ENSA: variants seen among roughly 807,000 people sequenced by gnomAD.
ENSA encodes alpha-endosulfine.
ENSA carries 7 observed loss-of-function variants against 16.8 expected under a neutral mutation model. The ratio of observed to expected loss-of-function variants is 0.42; its 90% CI spans 0.24 to 0.78. The LOEUF is 0.78. Ranked by LOEUF, ENSA falls within the 30% of genes least tolerant of loss-of-function variation. The pLI, the probability that ENSA is intolerant of heterozygous loss-of-function variation, is 0.29. For synonymous variants in ENSA, 58 were observed against 53.4 expected, an observed-to-expected ratio of 1.09 and a Z score of -0.37; for missense variants, 87 against 142.3, an observed-to-expected ratio of 0.61 and a Z score of 1.98.
intron 2 of ENSA, chr1:150,626,338 A>T: frequency 1.4e-6 from 1 of 727,496 alleles, no homozygotes; most frequent in Non-Finnish European, 2.4e-6. Context: ...TGACTCTCAC[A>T]GCTCCCACAC....
intron 2 of ENSA, among the ~76,000 whole-genome samples, chr1:150,626,794 T>C (rs1043139308): frequency 2.0e-5 from 3 of 152,164 alleles, no homozygotes; most frequent in African/African-American, 7.2e-5. Flanking sequence ...TCCGCCCGCC[T>C]CGGCCTCCCA....
chr1:150,625,382 A>T (rs1440162658), intron 3 of ENSA: 2 of 1,164,058 alleles, frequency 1.7e-6, no homozygotes, highest in African/African-American at 3.2e-5. Context: ...AAGCATTTGC[A>T]GCATTATCCA....
intron 3 of ENSA, chr1:150,624,374 A>G (rs1338813376): frequency 5.1e-6 from 5 of 985,686 alleles, no homozygotes; most frequent in Non-Finnish European, 6.0e-6. Context: ...AGCTCAGTTT[A>G]CCCTTCTTCC....
At chr1:150,625,567 G>A (rs1477715647) in intron 3 of ENSA, 75 bp downstream of exon 3, 4 of 1,480,032 alleles carry the variant, frequency 2.7e-6, no homozygotes, top group Middle Eastern at 2.4e-4. Flanking sequence ...CTGACTAGGT[G>A]CCCATTTCAT....
chr1:150,624,429 T>C lies in ENSA; in HGVS notation c.350+1213A>G. Reference sequence around the variant, plus strand: ...CTGGCATCAGACTGCATCTGAAACATGGGTCAACACATGTGCATGACTGAG... The same window carrying C: ...CTGGCATCAGACTGCATCTGAAACACGGGTCAACACATGTGCATGACTGAG... On this transcript the variant is annotated intron_variant, in intron 3 of 3. Coordinates refer to ENST00000369014, the MANE Select transcript of ENSA (RefSeq NM_004436.4). The C allele has an allele frequency of 5.1e-6, 5 of 985,940 alleles. No individual in the cohort carries two copies. In the South Asian group the frequency reaches 1.4e-4, roughly 28 times the overall value. The allele number at this position is 985,940 out of a possible 1,614,324, so 61.1% of individuals were successfully genotyped here.
At chr1:150,625,333 A>G (rs1649224176) in intron 3 of ENSA, 1 of 1,063,594 alleles carries the variant, frequency 9.4e-7, no homozygotes, top group Non-Finnish European at 1.1e-6. Flanking sequence ...TTCTCTCCCA[A>G]AAGGAGAAAT....
intron 1 of ENSA, among the ~76,000 whole-genome samples, 179 bp from the exon 2 acceptor site, chr1:150,627,771 G>T (rs773911755): frequency 6.6e-6 from 1 of 152,164 alleles, no homozygotes; most frequent in Admixed American, 6.5e-5. Flanking sequence ...GATGACTATT[G>T]TGAGAGAAAA....
intron 3 of ENSA, chr1:150,623,250 T>C: frequency 9.7e-7 from 1 of 1,029,798 alleles, no homozygotes; most frequent in South Asian, 4.0e-5. Context: ...GTGGTGACTG[T>C]GTGGAGGCCA....
intron 3 of ENSA, chr1:150,625,352 T>G: frequency 9.1e-7 from 1 of 1,098,850 alleles, no homozygotes; most frequent in South Asian, 4.3e-5. Flanking sequence ...ATCACATCTC[T>G]CCAGTTTCTC....
chr1:150,622,875 GAAGA>G lies in ENSA; in HGVS notation c.351-20_351-17del. Reference sequence around the variant, plus strand: ...AACTTGGCCACTGCGGACGAACACAGAAGAAAAAAAAAAAAAACAACACTGTCAA... The same window carrying G: ...AACTTGGCCACTGCGGACGAACACAGAAAAAAAAAAAAACAACACTGTCAA... On this transcript the variant is annotated splice_polypyrimidine_tract_variant and intron_variant, in intron 3 of 3. Transcript: ENST00000369014. 1 of 1,232,326 alleles carries G rather than the reference GAAGA, an allele frequency of 8.1e-7. No homozygotes were observed. Among genetic ancestry groups the G allele is most frequent in the Non-Finnish European group, 1.1e-6 (1 of 939,620 alleles). 76.3% of individuals were successfully genotyped at this position (1,232,326 alleles called of 1,614,324 possible).
In ENSA at chr1:150,629,384, G is replaced by A. The variant is rs768102856; in HGVS notation, c.57+30C>T. On this transcript the variant is annotated intron_variant, in intron 1 of 3. Transcript: ENST00000369014. ...CTCCCGCCCCATCACGGTCTCCCCA[G>A]CTCGCCCGCCCGCACCCCTTCCACT... The A allele has an allele frequency of 2.5e-6, 4 of 1,607,658 alleles. No homozygotes were observed. In the Admixed American group the frequency reaches 6.7e-5, roughly 27 times the overall value.
At chr1:150,626,287 T>A (rs1165417711) in intron 2 of ENSA, among the ~76,000 whole-genome samples, 1 of 152,218 alleles carries the variant, frequency 6.6e-6, no homozygotes, top group African/African-American at 2.4e-5. Context: ...AGACCAGGAA[T>A]AGAAACTGGG....
intron 2 of ENSA, chr1:150,627,071 C>A: frequency 7.7e-7 from 1 of 1,306,098 alleles, no homozygotes. Flanking sequence ...GGATTTATTT[C>A]TGTAGGAGAG....
chr1:150,629,264 T>G (rs1039851639), intron 1 of ENSA, 150 bp downstream of exon 1: 1 of 1,507,566 alleles, frequency 6.6e-7, no homozygotes, highest in Non-Finnish European at 9.1e-7. Flanking sequence ...CAAAGCAGCA[T>G]GTCGTGTTGA....
At position 150,627,996 on chromosome 1, in the gene ENSA, TA is replaced by T. The variant is rs934141581; in HGVS notation, c.58-405del. On this transcript the variant is annotated intron_variant, in intron 1 of 3. Coordinates refer to ENST00000369014, the MANE Select transcript of ENSA (RefSeq NM_004436.4). ...CTATCCTACATGTCACATGAGAAAT[TA>T]AAAAAAAAATAGTTTGGGGCTGGGA... is the stretch of plus-strand genomic sequence containing the variant. Among the ~76,000 whole-genome samples, 423 of 149,532 alleles carry T rather than the reference TA, an allele frequency of 2.8e-3. 1 individual carries two copies. The highest frequency in any genetic ancestry group is 9.9e-3 in the African/African-American group (405 of 40,780).
intron 3 of ENSA, chr1:150,625,345 A>G: frequency 9.2e-7 from 1 of 1,086,172 alleles, no homozygotes. Flanking sequence ...AGGAGAAATC[A>G]CATCTCTCCA....
intron 1 of ENSA, 34 bp downstream of exon 1, chr1:150,629,380 C>T (rs587770057): frequency 6.2e-7 from 1 of 1,606,666 alleles, no homozygotes; most frequent in South Asian, 1.1e-5. Context: ...TCACGGTCTC[C>T]CCAGCTCGCC....
chr1:150,624,237 G>A (rs1267911360), intron 3 of ENSA: 10 of 983,128 alleles, frequency 1.0e-5, no homozygotes, highest in South Asian at 4.7e-5. Context: ...CTGAGTTCTG[G>A]GGATGCAGAG....
chr1:150,624,967 CATG>C, intron 3 of ENSA: 1 of 985,252 alleles, frequency 1.0e-6, no homozygotes, highest in East Asian at 1.1e-4. Context: ...CCCACTATCC[CATG>C]ATACTTTCAA....
Sources: allele counts gnomAD v4.1 joint callset (sites outside exome capture counted in the v4.1 genomes callset), GRCh38; gene constraint gnomAD v4.1.1; transcripts MANE v1.5; gene names NCBI Gene and HGNC (gene_info 2026-07-23, HGNC 2026-07-21).